Variants in NINJ2 observed in about 807,000 individuals in gnomAD.
NINJ2 encodes the protein ninjurin 2.
A neutral mutation model predicts 11.7 loss-of-function variants in NINJ2; 12 were observed. The ratio of observed to expected loss-of-function variants is 1.02; its 90% CI spans 0.66 to 1.66. NINJ2 has a LOEUF of 1.66. Among genes scored for constraint, NINJ2 ranks in the 40% most tolerant of loss-of-function variants. NINJ2 has a pLI of 0.00. For missense variants in NINJ2, 187 were observed against 181.8 expected (o/e 1.03, Z -0.16); for synonymous variants, 93 against 76.8 (o/e 1.21, Z -1.10).
chr12:598,630 G>A (rs1947821711), intron 1 of NINJ2, among the ~76,000 whole-genome samples: 1 of 152,148 alleles, frequency 6.6e-6, no homozygotes, highest in Admixed American at 6.5e-5. Flanking sequence ...ACTGTTAACA[G>A]CAATTATCTT....
At chr12:577,530 A>G (rs1947486587) in intron 1 of NINJ2, among the ~76,000 whole-genome samples, 1 of 149,376 alleles carries the variant, frequency 6.7e-6, no homozygotes. Flanking sequence ...AGTAACTGGG[A>G]TGTAGTCCCA....
chr12:641,539 G>C (rs1386403120), intron 1 of NINJ2, among the ~76,000 whole-genome samples: 1 of 152,128 alleles, frequency 6.6e-6, no homozygotes, highest in South Asian at 2.1e-4. Flanking sequence ...TAAGACTCTT[G>C]TGCTAAAGAA....
chr12:635,612 T>A (rs1170896445), intron 1 of NINJ2, among the ~76,000 whole-genome samples: 1 of 152,084 alleles, frequency 6.6e-6, no homozygotes, highest in African/African-American at 2.4e-5. Flanking sequence ...AACTTGAGAG[T>A]TAACACTGTA....
At chr12:629,533 C>T (rs766197714) in intron 1 of NINJ2, among the ~76,000 whole-genome samples, 4 of 152,156 alleles carry the variant, frequency 2.6e-5, no homozygotes, top group Admixed American at 6.5e-5. Context: ...CTGTGGGCCC[C>T]GTGCAGCCCA....
intron 1 of NINJ2, among the ~76,000 whole-genome samples, chr12:629,243 C>T (rs1294148017): frequency 6.6e-6 from 1 of 152,176 alleles, no homozygotes; most frequent in Non-Finnish European, 1.5e-5. Context: ...CCATTATTAT[C>T]TTCATTTTAC....
intron 1 of NINJ2, among the ~76,000 whole-genome samples, chr12:604,360 G>T (rs550584248): frequency 6.6e-6 from 1 of 152,084 alleles, no homozygotes; most frequent in African/African-American, 2.4e-5. Flanking sequence ...CAGCCTGGCC[G>T]GGTGCGGTGG....
At chr12:594,113 G>A (rs1215120257) in intron 1 of NINJ2, among the ~76,000 whole-genome samples, 3 of 152,110 alleles carry the variant, frequency 2.0e-5, no homozygotes, top group Non-Finnish European at 4.4e-5. Context: ...AGAAAAAAAT[G>A]TATACAGATT....
chr12:648,871 C>G (rs2120519298), intron 1 of NINJ2, among the ~76,000 whole-genome samples: 1 of 152,270 alleles, frequency 6.6e-6, no homozygotes. Context: ...CTGCCTCCAG[C>G]TTTTTGTTCA....
intron 1 of NINJ2, among the ~76,000 whole-genome samples, chr12:639,206 G>C (rs1457600133): frequency 6.6e-6 from 1 of 151,990 alleles, no homozygotes; most frequent in African/African-American, 2.4e-5. Flanking sequence ...CTTTCAAAAA[G>C]AACTGTAGTT....
chr12:641,859 AAAAGC>A (rs1209745488), intron 1 of NINJ2, among the ~76,000 whole-genome samples: 1 of 152,036 alleles, frequency 6.6e-6, no homozygotes, highest in African/African-American at 2.4e-5. Flanking sequence ...AAAAAAAAAA[AAAAGC>A]AGGCTGTAAG....
chr12:646,748 G>A (rs555097191), intron 1 of NINJ2, among the ~76,000 whole-genome samples: 5 of 152,058 alleles, frequency 3.3e-5, no homozygotes, highest in South Asian at 2.1e-4. Flanking sequence ...ATGTGTATCC[G>A]GGCAGACAAT....
At chr12:573,779 G>A (rs1162556522) in intron 1 of NINJ2, among the ~76,000 whole-genome samples, 1 of 152,150 alleles carries the variant, frequency 6.6e-6, no homozygotes, top group Non-Finnish European at 1.5e-5. Flanking sequence ...CTGAGCCCCT[G>A]CACTGCTGCC....
At chr12:579,970 A>T (rs949165497) in intron 1 of NINJ2, among the ~76,000 whole-genome samples, 5 of 152,228 alleles carry the variant, frequency 3.3e-5, no homozygotes, top group African/African-American at 1.2e-4. Flanking sequence ...TAAGAGAATA[A>T]GCACTGGGCT....
rs561033601 is a variant in NINJ2, at chr12:566,111, G to T, written c.101C>A (p.Ala34Glu). 6.2e-7 allele frequency: 1 copy of T among 1,614,024 alleles called. No homozygotes were observed. Among genetic ancestry groups the T allele is most frequent in the Non-Finnish European group, 8.5e-7 (1 of 1,180,018 alleles). Residue 34 changes from alanine to glutamate, a missense_variant, in exon 2 of 4, where the codon GCG (alanine) becomes GAG (glutamate). Coordinates refer to ENST00000305108, the MANE Select transcript of NINJ2 (RefSeq NM_016533.6). ...LNHYATKKSV[A>E]ESMLDVALFM... ...CAGGGCCACGTCCAGCATGCTCTCC[G>T]CCACGCTCTTCTTGGTGGCGTAATG...
At position 634,980 on chromosome 12, in the gene NINJ2, G is replaced by C. The variant is rs118050317; in HGVS notation, c.33+28348C>G. ...GCCAGTCTAGAATTCTTGGTCTCAG[G>C]CTAATCCTTCCCCATCGGCCTGCCA... On this transcript the variant is annotated intron_variant, in intron 1 of 3. Transcript: ENST00000305108. Among the ~76,000 whole-genome samples the C allele has an allele frequency of 4.2e-3, 640 of 151,944 alleles. 31 individuals are homozygous for C. In the East Asian group the frequency reaches 0.1, roughly 25 times the overall value.
At chr12:569,817 G>A (rs960817228) in intron 1 of NINJ2, among the ~76,000 whole-genome samples, 1 of 152,236 alleles carries the variant, frequency 6.6e-6, no homozygotes, top group Non-Finnish European at 1.5e-5. Flanking sequence ...GTGTGCTTAG[G>A]GGGTGCGCCT....
At chr12:651,502 T>G (rs1199492099) in intron 1 of NINJ2, among the ~76,000 whole-genome samples, 1 of 152,120 alleles carries the variant, frequency 6.6e-6, no homozygotes, top group Non-Finnish European at 1.5e-5. Context: ...TACCACCACA[T>G]ACTAAGGCCT....
Position 651,424 on chromosome 12 carries a change from G to A in NINJ2, c.33+11904C>T, listed in dbSNP as rs118119415. On this transcript the variant is annotated intron_variant, in intron 1 of 3. Coordinates refer to ENST00000305108, the MANE Select transcript of NINJ2 (RefSeq NM_016533.6). The stretch of plus-strand genomic sequence containing the variant: ...CGCATTTGTGATGTTCAGTCCAGAG[G>A]CATGGGCTCACTGAAAGACTGACAC... Among the ~76,000 whole-genome samples, 690 of 152,252 alleles carry A rather than the reference G, an allele frequency of 4.5e-3. 30 individuals are homozygous for A. The East Asian group carries it at 0.1, about 22-fold the overall frequency.
chr12:620,819 G>A (rs1177212908), intron 1 of NINJ2, among the ~76,000 whole-genome samples: 2 of 152,040 alleles, frequency 1.3e-5, no homozygotes, highest in East Asian at 3.9e-4. Flanking sequence ...TAGTAGAGAC[G>A]GGGTTTTGCC....
Sources: gnomAD v4.1 joint callset for allele counts (sites outside exome capture counted in the v4.1 genomes callset) on GRCh38, gnomAD v4.1.1 for gene constraint, MANE v1.5 for transcripts, NCBI Gene and HGNC (gene_info 2026-07-23, HGNC 2026-07-21) for gene names.